The following TMEM131 variants were observed in gnomAD, a reference collection of about 807,000 sequenced individuals.
TMEM131 encodes 2610524E03Rik.
In TMEM131, 66 loss-of-function variants were observed where a neutral mutation model predicts 211.6. The observed-to-expected ratio is 0.31, with a 90% CI of 0.26 to 0.38. The LOEUF (loss-of-function observed/expected upper bound fraction) is 0.38. Among genes scored for constraint, TMEM131 ranks in the 10% least tolerant of loss-of-function variants. The probability of loss-of-function intolerance (pLI) is 1.00; values close to 1 mark genes in which losing one functional copy is unlikely to be tolerated. For synonymous variants in TMEM131, 844 were observed against 841.3 expected (o/e 1.00, Z -0.06); for missense variants, 2,036 against 2,299.3 (o/e 0.89, Z 2.34).
chr2:97,926,022 GA>G, intron 2 of TMEM131, among the ~76,000 whole-genome samples: 1 of 151,848 alleles, frequency 6.6e-6, no homozygotes, highest in South Asian at 2.1e-4. Context: ...CTAGGCAGGA[GA>G]ATGGTGTGAA....
intron 3 of TMEM131, among the ~76,000 whole-genome samples, chr2:97,897,946 T>C (rs1229148742): frequency 6.6e-6 from 1 of 152,154 alleles, no homozygotes. Flanking sequence ...TAATAATTTG[T>C]ATCTTTCAAG....
intron 1 of TMEM131, among the ~76,000 whole-genome samples, chr2:97,959,558 CGTGT>C (rs34560570): frequency 9.3e-5 from 14 of 150,160 alleles, no homozygotes; most frequent in East Asian, 3.9e-4. Context: ...TATATGTCTG[CGTGT>C]GTGTGTGTGT....
intron 4 of TMEM131, among the ~76,000 whole-genome samples, chr2:97,885,317 G>A (rs908053884): frequency 3.3e-5 from 5 of 149,558 alleles, no homozygotes; most frequent in Non-Finnish European, 5.9e-5. Flanking sequence ...TCAGCCTCCC[G>A]AGTAGCTGGG....
intron 1 of TMEM131, among the ~76,000 whole-genome samples, chr2:97,968,808 C>T (rs373414458): frequency 3.9e-5 from 6 of 152,106 alleles, no homozygotes; most frequent in Admixed American, 6.5e-5. Flanking sequence ...ATCGGGCAGG[C>T]GCACTGGTTC....
intron 4 of TMEM131, among the ~76,000 whole-genome samples, chr2:97,873,357 G>A (rs183872219): frequency 6.6e-6 from 1 of 152,242 alleles, no homozygotes; most frequent in East Asian, 1.9e-4. Context: ...TGGCAGCTCT[G>A]AAGAGAGCAG....
chr2:97,981,883 A>C (rs1228876527), intron 1 of TMEM131, among the ~76,000 whole-genome samples: 5 of 152,234 alleles, frequency 3.3e-5, no homozygotes, highest in Non-Finnish European at 7.3e-5. Context: ...AAGCATTCAT[A>C]ATAATACTTC....
intron 4 of TMEM131, among the ~76,000 whole-genome samples, chr2:97,885,286 T>C (rs1486530225): frequency 1.8e-5 from 1 of 55,248 alleles, no homozygotes; most frequent in Non-Finnish European, 4.2e-5. Flanking sequence ...CAAGCTCCGC[T>C]TCCCGGTCCA....
At chr2:97,895,764 T>G (rs1486733773) in intron 3 of TMEM131, among the ~76,000 whole-genome samples, 2 of 152,162 alleles carry the variant, frequency 1.3e-5, no homozygotes, top group Non-Finnish European at 2.9e-5. Flanking sequence ...CTCTCTTTTC[T>G]TCTTTATTAG....
chr2:97,761,424 C>T (rs1678842187), intron 36 of TMEM131: 1 of 158,920 alleles, frequency 6.3e-6, no homozygotes, highest in Non-Finnish European at 1.4e-5. Flanking sequence ...CACAGAAACC[C>T]ACGCCACGGC....
intron 2 of TMEM131, among the ~76,000 whole-genome samples, chr2:97,922,947 A>G (rs1676807441): frequency 6.6e-6 from 1 of 152,228 alleles, no homozygotes; most frequent in African/African-American, 2.4e-5. Context: ...TCTTTGCAAG[A>G]AGGCTCAATA....
chr2:97,903,345 T>A (rs1285233792), intron 3 of TMEM131, among the ~76,000 whole-genome samples: 1 of 152,170 alleles, frequency 6.6e-6, no homozygotes, highest in African/African-American at 2.4e-5. Context: ...AACTGTGACC[T>A]CAATCTTAAC....
At chr2:97,879,404 G>A (rs1674830872) in intron 4 of TMEM131, among the ~76,000 whole-genome samples, 2 of 152,136 alleles carry the variant, frequency 1.3e-5, no homozygotes, top group South Asian at 4.1e-4. Context: ...TATCATTTTT[G>A]CCTCAGTTAA....
At chr2:97,841,155 G>A (rs748960475) in intron 7 of TMEM131, among the ~76,000 whole-genome samples, 1 of 152,154 alleles carries the variant, frequency 6.6e-6, no homozygotes, top group Non-Finnish European at 1.5e-5. Flanking sequence ...ACAACTAGAA[G>A]CCACAGAGGC....
At chr2:97,884,884 G>A (rs1056398006) in intron 4 of TMEM131, among the ~76,000 whole-genome samples, 1 of 152,162 alleles carries the variant, frequency 6.6e-6, no homozygotes, top group Non-Finnish European at 1.5e-5. Context: ...TCTTTTAGAT[G>A]GGGGAACTGA....
intron 1 of TMEM131, among the ~76,000 whole-genome samples, chr2:97,943,042 AAAGAAAGAAAG>A (rs1411772818): frequency 2.9e-4 from 14 of 48,244 alleles, no homozygotes; most frequent in East Asian, 5.1e-4. Context: ...AAAAGAAAAG[AAAGAAAGAAAG>A]AAAGAAAGAA....
intron 2 of TMEM131, among the ~76,000 whole-genome samples, chr2:97,912,098 G>T (rs1294231786): frequency 6.6e-6 from 1 of 152,036 alleles, no homozygotes; most frequent in African/African-American, 2.4e-5. Context: ...AATGTCAAAG[G>T]TCAGAGAATG....
At chr2:97,809,956 G>A (rs184233205) in intron 18 of TMEM131, among the ~76,000 whole-genome samples, 182 bp from the exon 19 acceptor site, 365 of 152,130 alleles carry the variant, frequency 2.4e-3, no homozygotes, top group Admixed American at 7.1e-3. Flanking sequence ...TCCATAAAAT[G>A]TAATGAAATA....
intron 32 of TMEM131, 118 bp from the exon 33 acceptor site, chr2:97,772,542 AAAC>A: frequency 8.5e-7 from 1 of 1,174,520 alleles, no homozygotes; most frequent in Non-Finnish European, 1.2e-6. Flanking sequence ...ATATACGTAA[AAAC>A]AAACTCGTTT....
At chr2:97,793,677 C>T in intron 29 of TMEM131, 124 bp from the exon 30 acceptor site, 3 of 986,182 alleles carry the variant, frequency 3.0e-6, no homozygotes, top group East Asian at 2.8e-5. Flanking sequence ...ACCAAGTTGT[C>T]TGTGACAACT....
Sources: allele counts gnomAD v4.1 joint callset (sites outside exome capture counted in the v4.1 genomes callset), GRCh38; gene constraint gnomAD v4.1.1; transcripts MANE v1.5; gene names NCBI Gene and HGNC (gene_info 2026-07-23, HGNC 2026-07-21).